The following EYS variants were observed in gnomAD, a reference collection of about 807,000 sequenced individuals.
EYS encodes the protein EGF-like photoreceptor maintenance factor.
EYS carries 250 observed loss-of-function variants against 282.1 expected under a neutral mutation model. The observed-to-expected ratio is 0.89, with a 90% CI of 0.80 to 0.98. EYS has a LOEUF of 0.98. EYS is among the 50% of genes least tolerant of loss of function. The pLI is 0.00. For missense variants in EYS, 4,016 were observed against 3,709.0 expected (o/e 1.08, Z -2.15); for synonymous variants, 1,355 against 1,282.9 (o/e 1.06, Z -1.20).
At chr6:65,078,382 A>G (rs1454858274) in intron 12 of EYS, among the ~76,000 whole-genome samples, 1 of 152,140 alleles carries the variant, frequency 6.6e-6, no homozygotes, top group East Asian at 1.9e-4. Context: ...TCAATTGTCA[A>G]TTGAGGAAGT....
At chr6:65,556,373 G>A (rs541372392) in intron 2 of EYS, among the ~76,000 whole-genome samples, 3 of 135,794 alleles carry the variant, frequency 2.2e-5, no homozygotes, top group Non-Finnish European at 4.8e-5. Flanking sequence ...AATATGTGGA[G>A]GAGACTGCTG....
At chr6:63,810,385 G>A (rs2149680903) in intron 36 of EYS, among the ~76,000 whole-genome samples, 1 of 146,142 alleles carries the variant, frequency 6.8e-6, no homozygotes, top group East Asian at 2.0e-4. Context: ...AAGTGGCTAA[G>A]ATGAACTATT....
At position 65,302,319 on chromosome 6, in the gene EYS, G is replaced by A. The variant is rs529714057; in HGVS notation, c.1767-6200C>T. On this transcript the variant is annotated intron_variant, in intron 11 of 42. Coordinates refer to ENST00000503581, the MANE Select transcript of EYS (RefSeq NM_001142800.2). ...TTGAGTGTTGGTTCGACCTACAGGC[G>A]TAATAGATTGGAACTCAGTGAAGAC... 3.9e-5 allele frequency among the ~76,000 whole-genome samples: 6 copies of A among 152,282 alleles called. No individual in the cohort carries two copies. The East Asian group carries it at 7.7e-4, about 20-fold the overall frequency.
intron 5 of EYS, among the ~76,000 whole-genome samples, chr6:65,487,300 G>A (rs961985280): frequency 6.6e-6 from 1 of 152,114 alleles, no homozygotes; most frequent in African/African-American, 2.4e-5. Flanking sequence ...GTATGATACC[G>A]GCTGTGGGTT....
intron 7 of EYS, among the ~76,000 whole-genome samples, chr6:65,396,226 T>A (rs1054335546): frequency 6.6e-6 from 1 of 152,140 alleles, no homozygotes; most frequent in African/African-American, 2.4e-5. Flanking sequence ...TCCCTCTAAC[T>A]CTACAATCTA....
intron 2 of EYS, among the ~76,000 whole-genome samples, chr6:65,520,098 A>C (rs942871442): frequency 1.3e-5 from 2 of 152,058 alleles, no homozygotes; most frequent in Admixed American, 6.6e-5. Flanking sequence ...TTTCAGTAGT[A>C]CTTGATACAT....
intron 12 of EYS, among the ~76,000 whole-genome samples, chr6:65,101,321 T>C (rs1227103025): frequency 6.6e-6 from 1 of 151,246 alleles, no homozygotes; most frequent in Non-Finnish European, 1.5e-5. Context: ...CCTGATAATA[T>C]AGTTGGTACC....
At chr6:65,413,651 A>G (rs1767115617) in intron 5 of EYS, among the ~76,000 whole-genome samples, 1 of 152,032 alleles carries the variant, frequency 6.6e-6, no homozygotes, top group Non-Finnish European at 1.5e-5. Flanking sequence ...TGAGGTCAGG[A>G]GTTCGAGACC....
intron 31 of EYS, among the ~76,000 whole-genome samples, chr6:64,116,433 A>G (rs1350552783): frequency 1.3e-5 from 2 of 152,320 alleles, no homozygotes; most frequent in Non-Finnish European, 2.9e-5. Context: ...GAAAAGAATC[A>G]TAGCATAATA....
intron 31 of EYS, among the ~76,000 whole-genome samples, chr6:64,191,477 T>TC (rs552503593): frequency 0.09 from 12,860 of 143,372 alleles, 1,209 homozygotes; most frequent in African/African-American, 0.23. Flanking sequence ...TGCTATCCCT[T>TC]CCCCCCCCAC....
chr6:64,492,488 T>C (rs886819343), intron 26 of EYS, among the ~76,000 whole-genome samples: 1 of 151,248 alleles, frequency 6.6e-6, no homozygotes, highest in Non-Finnish European at 1.5e-5. Flanking sequence ...GTTGTTGTTG[T>C]TGTTTTCTAT....
At chr6:63,777,961 G>A in intron 40 of EYS, 45 bp downstream of exon 40, 1 of 1,512,872 alleles carries the variant, frequency 6.6e-7, no homozygotes, top group Non-Finnish European at 9.0e-7. Flanking sequence ...ACCAGTTAGA[G>A]TGCAAACAAC....
At chr6:64,011,379 T>C (rs1768617328) in intron 33 of EYS, among the ~76,000 whole-genome samples, 1 of 152,140 alleles carries the variant, frequency 6.6e-6, no homozygotes, top group Non-Finnish European at 1.5e-5. Flanking sequence ...ACATAGAAAA[T>C]TGTCTTTAAT....
At chr6:65,204,692 A>G (rs1484438452) in intron 12 of EYS, among the ~76,000 whole-genome samples, 1 of 151,682 alleles carries the variant, frequency 6.6e-6, no homozygotes, top group African/African-American at 2.4e-5. Flanking sequence ...CTCACATATC[A>G]ATATTAACAT....
chr6:65,007,749 G>A (rs1771728328), intron 13 of EYS, among the ~76,000 whole-genome samples: 1 of 152,140 alleles, frequency 6.6e-6, no homozygotes, highest in African/African-American at 2.4e-5. Flanking sequence ...TCCAAGCGGT[G>A]GGAGGAGGAG....
intron 38 of EYS, among the ~76,000 whole-genome samples, chr6:63,788,593 T>G (rs1770427337): frequency 6.6e-6 from 1 of 152,078 alleles, no homozygotes; most frequent in Non-Finnish European, 1.5e-5. Context: ...GAAATCAACA[T>G]GGTACCCACC....
intron 22 of EYS, among the ~76,000 whole-genome samples, chr6:64,707,028 G>A (rs1046435618): frequency 6.6e-6 from 1 of 151,780 alleles, no homozygotes; most frequent in African/African-American, 2.4e-5. Flanking sequence ...AGCAAAATTC[G>A]CAATTGGAAA....
At position 65,578,350 on chromosome 6, in the gene EYS, C is replaced by T. The variant is rs575027520; in HGVS notation, c.-333+61428G>A. The stretch of plus-strand genomic sequence containing the variant: ...CACAGAAAGACAAATACTGCATGAT[C>T]CTACTTACATGTGAAAACTAAAAAA... On this transcript the variant is annotated intron_variant, in intron 2 of 42. Coordinates refer to ENST00000503581, the MANE Select transcript of EYS (RefSeq NM_001142800.2). Among the ~76,000 whole-genome samples the T allele has an allele frequency of 4.0e-5, 6 of 151,640 alleles. No homozygotes were observed. In the South Asian group the frequency reaches 1.0e-3, roughly 26 times the overall value.
At position 64,080,200 on chromosome 6, in the gene EYS, C is replaced by T. The variant is rs187855463; in HGVS notation, c.6571+1656G>A. Among the ~76,000 whole-genome samples the T allele has an allele frequency of 1.2e-3, 184 of 152,308 alleles. 1 individual carries two copies. Among genetic ancestry groups the T allele is most frequent in the Admixed American group, 1.5e-3 (23 of 15,290 alleles). ...GTCCCACCAACAGTGTAAAAATTCT[C>T]CACATCCTCTCCAGTACCTGTTGTT... On this transcript the variant is annotated intron_variant, in intron 32 of 42. Transcript: ENST00000503581.
Sources: gnomAD v4.1 joint callset for allele counts (sites outside exome capture counted in the v4.1 genomes callset) on GRCh38, gnomAD v4.1.1 for gene constraint, MANE v1.5 for transcripts, NCBI Gene and HGNC (gene_info 2026-07-23, HGNC 2026-07-21) for gene names.